RBFOX3: variants seen among roughly 807,000 people sequenced by gnomAD.
RBFOX3 encodes RNA binding protein fox-1 homolog 3.
Under a neutral mutation model 48.7 loss-of-function variants are expected in RBFOX3, and 17 were observed. The ratio of observed to expected loss-of-function variants is 0.35; its 90% CI spans 0.24 to 0.52. RBFOX3 has a LOEUF of 0.52. Among genes scored for constraint, RBFOX3 ranks in the 20% least tolerant of loss-of-function variants. The pLI is 0.94. For missense variants in RBFOX3, 382 were observed against 497.5 expected, an observed-to-expected ratio of 0.77 and a Z score of 2.21; for synonymous variants, 212 against 209.5, an observed-to-expected ratio of 1.01 and a Z score of -0.10.
At chr17:79,627,593 C>T in the RBFOX3 span, among the ~76,000 whole-genome samples, 1 of 152,204 alleles carries the variant, frequency 6.6e-6, no homozygotes, top group Admixed American at 6.5e-5. Flanking sequence ...AGAGCCCGCG[C>T]CTCTCCAAGG....
intron 4 of RBFOX3, among the ~76,000 whole-genome samples, chr17:79,168,025 C>T (rs2145606242): frequency 6.6e-6 from 1 of 152,306 alleles, no homozygotes; most frequent in African/African-American, 2.4e-5. Context: ...AGCCCCAGGG[C>T]TGGGTGAGGG....
At chr17:79,549,842 G>A (rs1384823923) in intron 1 of RBFOX3, among the ~76,000 whole-genome samples, 2 of 152,164 alleles carry the variant, frequency 1.3e-5, no homozygotes, top group African/African-American at 2.4e-5. Flanking sequence ...CAAGAATGTC[G>A]AATCGTCATA....
At chr17:79,354,558 C>A (rs940337914) in intron 2 of RBFOX3, among the ~76,000 whole-genome samples, 3 of 152,290 alleles carry the variant, frequency 2.0e-5, no homozygotes, top group African/African-American at 4.8e-5. Flanking sequence ...AACCCCGGGA[C>A]AGACTTCACT....
chr17:79,165,742 T>C (rs2047867373), intron 4 of RBFOX3, among the ~76,000 whole-genome samples: 1 of 152,042 alleles, frequency 6.6e-6, no homozygotes, highest in Admixed American at 6.5e-5. Context: ...CACCCCCAGG[T>C]TCTGGAAGCT....
At chr17:79,221,263 G>A (rs902201867) in intron 4 of RBFOX3, among the ~76,000 whole-genome samples, 3 of 152,248 alleles carry the variant, frequency 2.0e-5, no homozygotes, top group African/African-American at 7.2e-5. Context: ...CGGCCTGAAG[G>A]CCAGAGCCCA....
intron 2 of RBFOX3, among the ~76,000 whole-genome samples, chr17:79,353,220 G>A (rs1217790408): frequency 6.6e-6 from 1 of 152,224 alleles, no homozygotes; most frequent in Non-Finnish European, 1.5e-5. Context: ...GGACACTGGT[G>A]CGCAAGTGTG....
chr17:79,336,541 T>G (rs2081228053), intron 2 of RBFOX3, among the ~76,000 whole-genome samples: 1 of 152,174 alleles, frequency 6.6e-6, no homozygotes, highest in Admixed American at 6.5e-5. Context: ...TGGGTCACAT[T>G]CAGCTGTCTG....
intron 4 of RBFOX3, among the ~76,000 whole-genome samples, chr17:79,202,387 C>T (rs2146867871): frequency 6.6e-6 from 1 of 152,274 alleles, no homozygotes; most frequent in South Asian, 2.1e-4. Flanking sequence ...TGAAAGCCCC[C>T]TCTGTGCTCA....
Position 79,208,059 on chromosome 17 carries a change from C to T in RBFOX3, c.-34+27707G>A, listed in dbSNP as rs58984095. On this transcript the variant is annotated intron_variant, in intron 4 of 14. Coordinates refer to ENST00000693108, the MANE Select transcript of RBFOX3 (RefSeq NM_001350451.2). ...TGGTGTCTCCCTCCCTTTGTTCTCC[C>T]CTCACGCCCTTCTTCCTGCGTCTGG... Among the ~76,000 whole-genome samples the T allele has an allele frequency of 2.9e-3, 448 of 152,240 alleles. 7 individuals are homozygous for T. In the South Asian group the frequency reaches 0.04, roughly 14 times the overall value.
chr17:79,488,523 C>T (rs1336690232), intron 1 of RBFOX3, among the ~76,000 whole-genome samples: 1 of 152,222 alleles, frequency 6.6e-6, no homozygotes, highest in Non-Finnish European at 1.5e-5. Flanking sequence ...TGCCTTGGAA[C>T]ATTCCAGGCC....
chr17:79,129,708 C>T (rs184905118), intron 4 of RBFOX3, among the ~76,000 whole-genome samples: 4 of 152,208 alleles, frequency 2.6e-5, no homozygotes, highest in Non-Finnish European at 4.4e-5. Context: ...CAACTGGCTC[C>T]GTGGGGAAAA....
intron 4 of RBFOX3, among the ~76,000 whole-genome samples, chr17:79,172,653 A>G (rs979617238): frequency 1.3e-5 from 2 of 152,208 alleles, no homozygotes; most frequent in Admixed American, 1.3e-4. Context: ...TGTCCAACAG[A>G]AAAGAATGTT....
intron 1 of RBFOX3, among the ~76,000 whole-genome samples, chr17:79,557,509 G>A (rs1219926961): frequency 2.0e-5 from 3 of 152,222 alleles, no homozygotes; most frequent in African/African-American, 7.2e-5. Context: ...CCACGTCTGG[G>A]GCCGTGGGAG....
At chr17:79,116,006 G>A (rs758582236) in intron 4 of RBFOX3, among the ~76,000 whole-genome samples, 1 of 152,128 alleles carries the variant, frequency 6.6e-6, no homozygotes, top group Non-Finnish European at 1.5e-5. Context: ...TGTCAGACCT[G>A]GGTACAAGAA....
intron 4 of RBFOX3, among the ~76,000 whole-genome samples, chr17:79,135,703 G>A (rs2040031597): frequency 6.6e-6 from 1 of 152,320 alleles, no homozygotes; most frequent in South Asian, 2.1e-4. Flanking sequence ...CAAAGGACCA[G>A]AAACTGTCCT....
chr17:79,362,547 C>T lies in RBFOX3; in HGVS notation c.-174-54723G>A, dbSNP rs561880420. ...AGTGTCAGCAGGGGCCTGGCTGTGG[C>T]TTGGGATGGAGATGGGAGCCTTTAT... On this transcript the variant is annotated intron_variant, in intron 2 of 14. Coordinates refer to ENST00000693108, the MANE Select transcript of RBFOX3 (RefSeq NM_001350451.2). This position sits in a 1 kb window ranked among gnomAD's most constrained non-coding sequence, Gnocchi z 4.2. Among the ~76,000 whole-genome samples the T allele has an allele frequency of 2.0e-5, 3 of 152,282 alleles. No homozygotes were observed. Among genetic ancestry groups the T allele is most frequent in the Admixed American group, 2.0e-4 (3 of 15,308 alleles).
chr17:79,225,237 G>C (rs2060173710), intron 4 of RBFOX3, among the ~76,000 whole-genome samples: 1 of 151,072 alleles, frequency 6.6e-6, no homozygotes, highest in Admixed American at 6.6e-5. Context: ...TTCCTCCCTG[G>C]GCATCTCTCG....
intron 1 of RBFOX3, among the ~76,000 whole-genome samples, chr17:79,570,476 A>G (rs1330830929): frequency 5.3e-5 from 8 of 152,178 alleles, no homozygotes; most frequent in African/African-American, 1.9e-4. Flanking sequence ...GGACAGATGG[A>G]TGGACAGACA....
At chr17:79,483,964 T>C (rs1291641346) in intron 1 of RBFOX3, among the ~76,000 whole-genome samples, 1 of 150,232 alleles carries the variant, frequency 6.7e-6, no homozygotes, top group Non-Finnish European at 1.5e-5. Flanking sequence ...CTGGGAAGTC[T>C]TGTTTGCTTA....
Sources: allele counts gnomAD v4.1 joint callset (sites outside exome capture counted in the v4.1 genomes callset), GRCh38; gene constraint gnomAD v4.1.1; non-coding constraint Gnocchi (gnomAD v3.1); transcripts MANE v1.5; gene names NCBI Gene and HGNC (gene_info 2026-07-23, HGNC 2026-07-21).